FHIT: variants seen among roughly 807,000 people sequenced by gnomAD.
FHIT encodes the protein bis(5'-adenosyl)-triphosphatase.
A neutral mutation model predicts 17.9 loss-of-function variants in FHIT; 19 were observed. That is an observed-to-expected ratio of 1.06 (90% CI 0.74 to 1.56). The LOEUF (loss-of-function observed/expected upper bound fraction) is 1.56, where lower values mean the gene tolerates loss of function less well. FHIT is among the 40% of genes most tolerant of loss of function. The pLI is 0.00. For missense variants in FHIT, 248 were observed against 189.2 expected, an observed-to-expected ratio of 1.31 and a Z score of -1.82; for synonymous variants, 81 against 69.7, an observed-to-expected ratio of 1.16 and a Z score of -0.81.
At chr3:59,863,928 T>C (rs1374693769) in intron 8 of FHIT, among the ~76,000 whole-genome samples, 1 of 152,122 alleles carries the variant, frequency 6.6e-6, no homozygotes, top group African/African-American at 2.4e-5. Context: ...AGTTTGCCCT[T>C]CCCTGCTCCC....
In FHIT at chr3:59,751,072, G is replaced by GTAACTGGGGTCCAT. The variant is rs1700869909; in HGVS notation, c.*5+1148_*5+1149insATGGACCCCAGTTA. 3 of 157,542 alleles carry GTAACTGGGGTCCAT rather than the reference G, an allele frequency of 1.9e-5. No homozygotes were observed. The East Asian group carries it at 3.2e-4, about 17-fold the overall frequency. The allele number at this position is 157,542 out of a possible 1,614,324, so 9.8% of individuals were successfully genotyped here. A position where few individuals can be genotyped will look rare whatever the true frequency, so the allele number is the denominator to read the frequency against. Reference sequence around the variant, plus strand: ...TATTTATAGGAGAGGATCTGTAACTGGGGTCCATGGGAGTTTATTAACAGG... The same window carrying GTAACTGGGGTCCAT: ...TATTTATAGGAGAGGATCTGTAACTGTAACTGGGGTCCATGGGTCCATGGGAGTTTATTAACAGG... On this transcript the variant is annotated intron_variant, in intron 9 of 9. Transcript: ENST00000492590.
intron 5 of FHIT, among the ~76,000 whole-genome samples, chr3:60,306,296 A>T (rs1169030679): frequency 6.6e-6 from 1 of 152,192 alleles, no homozygotes; most frequent in East Asian, 1.9e-4. Context: ...AATTAAAAAC[A>T]TATCTCCCCT....
intron 5 of FHIT, among the ~76,000 whole-genome samples, chr3:60,045,599 T>G (rs1403669109): frequency 6.6e-6 from 1 of 151,818 alleles, no homozygotes; most frequent in African/African-American, 2.4e-5. Flanking sequence ...TAATGGAAAA[T>G]AAAATTTAAA....
rs144355020 is a variant in FHIT, at chr3:59,814,045, TACACACACACACAC to T, written c.349-61738_349-61725del. On this transcript the variant is annotated intron_variant, in intron 8 of 9. Coordinates refer to ENST00000492590, the MANE Select transcript of FHIT (RefSeq NM_002012.4). ...CCCTCTATGTAAAAAAATTTACACA[TACACACACACACAC>T]ACACACACACACACACCCGACGGTG... Among the ~76,000 whole-genome samples, 6 of 146,872 alleles carry T rather than the reference TACACACACACACAC, an allele frequency of 4.1e-5. 1 individual carries two copies. In the South Asian group the frequency reaches 6.6e-4, roughly 16 times the overall value.
chr3:59,963,439 T>C (rs1174964363), intron 7 of FHIT, among the ~76,000 whole-genome samples: 2 of 152,040 alleles, frequency 1.3e-5, no homozygotes, highest in Non-Finnish European at 2.9e-5. Flanking sequence ...TATTCACTTG[T>C]TTTTTATTTT....
chr3:60,434,252 T>C (rs1375066426), intron 5 of FHIT, among the ~76,000 whole-genome samples: 2 of 152,132 alleles, frequency 1.3e-5, no homozygotes, highest in African/African-American at 4.8e-5. Context: ...CCTCTCAGCA[T>C]TTAGAAAATA....
At chr3:60,422,888 A>G (rs1464707452) in intron 5 of FHIT, among the ~76,000 whole-genome samples, 1 of 152,174 alleles carries the variant, frequency 6.6e-6, no homozygotes, top group Admixed American at 6.5e-5. Context: ...CAACTCTGGT[A>G]GACCCAACCC....
chr3:59,896,168 T>C (rs750333716), intron 8 of FHIT, among the ~76,000 whole-genome samples: 2 of 152,192 alleles, frequency 1.3e-5, no homozygotes, highest in African/African-American at 2.4e-5. Context: ...GAGTGTCAGC[T>C]TCATGAAAAC....
At chr3:60,542,136 T>A (rs1338152192) in intron 4 of FHIT, among the ~76,000 whole-genome samples, 1 of 152,216 alleles carries the variant, frequency 6.6e-6, no homozygotes, top group African/African-American at 2.4e-5. Context: ...AGGTTTTAAA[T>A]CCCATTCTTC....
At chr3:60,235,231 G>C (rs895026296) in intron 5 of FHIT, among the ~76,000 whole-genome samples, 2 of 147,260 alleles carry the variant, frequency 1.4e-5, no homozygotes, top group East Asian at 4.0e-4. Flanking sequence ...GCTTTTGTTT[G>C]TTGTTTTTTT....
intron 3 of FHIT, among the ~76,000 whole-genome samples, chr3:60,844,976 C>G (rs1702875292): frequency 6.6e-6 from 1 of 151,980 alleles, no homozygotes; most frequent in African/African-American, 2.4e-5. Context: ...ATAGTCTACT[C>G]TAGATTTGTT....
chr3:61,041,394 C>G (rs2033507462), intron 3 of FHIT, among the ~76,000 whole-genome samples: 1 of 151,412 alleles, frequency 6.6e-6, no homozygotes, highest in East Asian at 1.9e-4. Context: ...AAAAAATTTA[C>G]AAGACTACCG....
intron 5 of FHIT, among the ~76,000 whole-genome samples, chr3:60,095,942 G>A (rs571626197): frequency 9.9e-5 from 15 of 152,084 alleles, no homozygotes; most frequent in African/African-American, 2.4e-4. Context: ...ATTCTTCCAC[G>A]TCACCTCCCC....
intron 1 of FHIT, among the ~76,000 whole-genome samples, chr3:61,210,586 G>C (rs1428326542): frequency 6.6e-6 from 1 of 152,200 alleles, no homozygotes; most frequent in Non-Finnish European, 1.5e-5. Context: ...AGGCTCCGTG[G>C]GCGTAGGGCC....
At chr3:60,475,038 C>T (rs1559944611) in intron 5 of FHIT, among the ~76,000 whole-genome samples, 1 of 152,082 alleles carries the variant, frequency 6.6e-6, no homozygotes, top group Non-Finnish European at 1.5e-5. Context: ...TAGAACTTAG[C>T]TCATGTCAGA....
At chr3:60,303,177 C>CAA (rs1367561421) in intron 5 of FHIT, among the ~76,000 whole-genome samples, 1 of 152,156 alleles carries the variant, frequency 6.6e-6, no homozygotes, top group Non-Finnish European at 1.5e-5. Context: ...AATTGATATG[C>CAA]AAGCCTGTGA....
intron 2 of FHIT, among the ~76,000 whole-genome samples, chr3:61,177,125 C>T (rs1483025999): frequency 6.7e-6 from 1 of 150,240 alleles, no homozygotes; most frequent in Non-Finnish European, 1.5e-5. Context: ...TGCAGTGAGC[C>T]GAGATTGCAC....
chr3:60,452,165 A>T (rs924427299), intron 5 of FHIT, among the ~76,000 whole-genome samples: 3 of 152,192 alleles, frequency 2.0e-5, no homozygotes, highest in African/African-American at 7.2e-5. Flanking sequence ...GCCCTGCATA[A>T]ATCAATTTAC....
intron 2 of FHIT, among the ~76,000 whole-genome samples, chr3:61,193,797 T>A (rs1396583188): frequency 6.6e-6 from 1 of 152,202 alleles, no homozygotes; most frequent in Non-Finnish European, 1.5e-5. Flanking sequence ...AAAGGTGTGA[T>A]ACCTTTCCTC....
Sources: allele counts gnomAD v4.1 joint callset (sites outside exome capture counted in the v4.1 genomes callset), GRCh38; gene constraint gnomAD v4.1.1; transcripts MANE v1.5; gene names NCBI Gene and HGNC (gene_info 2026-07-23, HGNC 2026-07-21).